CCDC7: variants seen among roughly 807,000 people sequenced by gnomAD.
CCDC7 encodes coiled-coil domain containing 7, also known as coiled-coil domain-containing protein 7.
CCDC7 carries 183 observed loss-of-function variants against 196.9 expected under a neutral mutation model. That is an observed-to-expected ratio of 0.93 (90% CI 0.82 to 1.05). CCDC7 has a LOEUF of 1.05. Among genes scored for constraint, CCDC7 ranks in the 50% least tolerant of loss-of-function variants. The pLI is 0.00. For synonymous variants in CCDC7, 525 were observed against 484.6 expected (o/e 1.08, Z -1.10); for missense variants, 1,540 against 1,482.2 (o/e 1.04, Z -0.64).
intron 19 of CCDC7, among the ~76,000 whole-genome samples, chr10:32,634,627 C>T (rs2065345109): frequency 6.6e-6 from 1 of 152,114 alleles, no homozygotes; most frequent in Non-Finnish European, 1.5e-5. Flanking sequence ...GAACTCCTGA[C>T]CTCGTGATCC....
intron 20 of CCDC7, 38 bp from the exon 22 acceptor site, chr10:32,664,016 G>A (rs1008877592): frequency 1.1e-4 from 42 of 391,286 alleles, no homozygotes; most frequent in Middle Eastern, 6.6e-4. Context: ...TTTCACTATA[G>A]TTTATGTTTA....
rs1472861999 is a variant in CCDC7, at chr10:32,729,329, T to C, written c.2780-3T>C. The C allele has an allele frequency of 3.2e-6, 5 of 1,556,108 alleles. No homozygotes were observed. Among genetic ancestry groups the C allele is most frequent in the Non-Finnish European group, 4.3e-6 (5 of 1,153,502 alleles). On this transcript the variant is annotated splice_polypyrimidine_tract_variant and splice_region_variant and intron_variant, in intron 27 of 41. Coordinates refer to ENST00000639629, the Ensembl canonical transcript of CCDC7. ...TATTGCACATCTATTTTTTTCTATT[T>C]AGCGTTTCCTTTAGAAATCAAAAAA...
chr10:32,621,858 T>G (rs2063451693), intron 18 of CCDC7, among the ~76,000 whole-genome samples: 1 of 152,208 alleles, frequency 6.6e-6, no homozygotes, highest in South Asian at 2.1e-4. Context: ...TGGATCTTCT[T>G]TAGCCCATCT....
At chr10:32,762,492 C>T (rs985523557) in intron 28 of CCDC7, among the ~76,000 whole-genome samples, 2 of 151,564 alleles carry the variant, frequency 1.3e-5, no homozygotes, top group African/African-American at 4.8e-5. Flanking sequence ...AATTCTATAA[C>T]TTCTATGGAA....
intron 8 of CCDC7, among the ~76,000 whole-genome samples, chr10:32,491,673 T>G (rs372770846): frequency 1.3e-5 from 2 of 152,148 alleles, no homozygotes; most frequent in South Asian, 2.1e-4. Flanking sequence ...ATTTGAAAAT[T>G]ATGACAGTAT....
intron 29 of CCDC7, among the ~76,000 whole-genome samples, chr10:32,788,907 A>T (rs1023978587): frequency 1.3e-5 from 2 of 152,162 alleles, no homozygotes; most frequent in African/African-American, 4.8e-5. Context: ...ATCATAGTGG[A>T]TCCCAGTGCA....
intron 21 of CCDC7, among the ~76,000 whole-genome samples, chr10:32,685,759 A>G (rs1208458193): frequency 6.6e-6 from 1 of 152,198 alleles, no homozygotes; most frequent in Non-Finnish European, 1.5e-5. Context: ...TGATTCCTAG[A>G]AATGTTTATA....
At chr10:32,457,239 A>G (rs2034554896) in intron 3 of CCDC7, among the ~76,000 whole-genome samples, 1 of 152,146 alleles carries the variant, frequency 6.6e-6, no homozygotes, top group African/African-American at 2.4e-5. Flanking sequence ...TGGCAAGAAC[A>G]TGAAATATTT....
intron 29 of CCDC7, among the ~76,000 whole-genome samples, chr10:32,799,768 A>T (rs921680414): frequency 6.6e-6 from 1 of 152,102 alleles, no homozygotes; most frequent in African/African-American, 2.4e-5. Flanking sequence ...GCTACTTCTC[A>T]CTCTCTGGAT....
intron 13 of CCDC7, among the ~76,000 whole-genome samples, chr10:32,555,198 T>G (rs2054155640): frequency 6.6e-6 from 1 of 152,176 alleles, no homozygotes; most frequent in Non-Finnish European, 1.5e-5. Flanking sequence ...TTCCTTTTTT[T>G]GTACATACCT....
intron 28 of CCDC7, among the ~76,000 whole-genome samples, chr10:32,766,306 T>G (rs2078293704): frequency 6.6e-6 from 1 of 152,030 alleles, no homozygotes; most frequent in South Asian, 2.1e-4. Flanking sequence ...AGGCAACGTA[T>G]TCCTCATTTG....
intron 24 of CCDC7, among the ~76,000 whole-genome samples, chr10:32,699,648 G>T (rs1399606907): frequency 1.3e-5 from 2 of 149,338 alleles, no homozygotes; most frequent in African/African-American, 2.6e-5. Flanking sequence ...CACAATGGTT[G>T]AACTAGTTTA....
chr10:32,722,823 G>T (rs1015005133), intron 25 of CCDC7, among the ~76,000 whole-genome samples: 1 of 152,084 alleles, frequency 6.6e-6, no homozygotes, highest in African/African-American at 2.4e-5. Flanking sequence ...GGATTATGGA[G>T]ATCATAGTTG....
At chr10:32,796,485 A>G (rs1205961944) in intron 29 of CCDC7, among the ~76,000 whole-genome samples, 1 of 152,128 alleles carries the variant, frequency 6.6e-6, no homozygotes, top group Non-Finnish European at 1.5e-5. Flanking sequence ...CTATCTCCCA[A>G]ATATAGTATG....
intron 21 of CCDC7, among the ~76,000 whole-genome samples, chr10:32,684,643 G>A (rs2076254412): frequency 6.6e-6 from 1 of 152,206 alleles, no homozygotes; most frequent in East Asian, 1.9e-4. Flanking sequence ...AAGTTTACTT[G>A]CCACTCTGTC....
intron 33 of CCDC7, among the ~76,000 whole-genome samples, chr10:32,835,836 A>G (rs1247848395): frequency 6.6e-6 from 1 of 152,106 alleles, no homozygotes; most frequent in Non-Finnish European, 1.5e-5. Context: ...ACTTAAAATA[A>G]AAGTTGAAAA....
chr10:32,730,322 T>C (rs1463006311), intron 28 of CCDC7, among the ~76,000 whole-genome samples: 1 of 152,210 alleles, frequency 6.6e-6, no homozygotes, highest in East Asian at 1.9e-4. Context: ...AATCTAATTA[T>C]TGATTTTTTA....
intron 20 of CCDC7, among the ~76,000 whole-genome samples, chr10:32,639,910 CCCGACCAATT>C (rs1211787464): frequency 6.6e-6 from 1 of 152,156 alleles, no homozygotes; most frequent in Non-Finnish European, 1.5e-5. Context: ...AGCCACTGCA[CCCGACCAATT>C]TCTGTTGTTT....
rs1218065437 is a variant in CCDC7 at position 32,711,573 on chromosome 10, G to A, written c.2459-47G>A. 6 of 1,140,070 alleles carry A rather than the reference G, an allele frequency of 5.3e-6. No homozygotes were observed. The Admixed American group carries it at 7.6e-5, about 14-fold the overall frequency. The allele number at this position is 1,140,070 out of a possible 1,614,324, so 70.6% of individuals were successfully genotyped here. A position where few individuals can be genotyped will look rare whatever the true frequency, so the allele number is the denominator to read the frequency against. On this transcript the variant is annotated intron_variant, in intron 24 of 41. Transcript: ENST00000639629. ...TAAATTTGAACTCTAGGATTTCATA[G>A]TAGATTTGTTTTTCTAGTAAGGGAC...
Sources: allele counts gnomAD v4.1 joint callset (sites outside exome capture counted in the v4.1 genomes callset), GRCh38; gene constraint gnomAD v4.1.1; transcripts MANE v1.5; gene names NCBI Gene and HGNC (gene_info 2026-07-23, HGNC 2026-07-21).